CDH12: variants seen among roughly 807,000 people sequenced by gnomAD.
CDH12 encodes cadherin 12.
Under a neutral mutation model 74.1 loss-of-function variants are expected in CDH12, and 41 were observed. That is an observed-to-expected ratio of 0.55 (90% CI 0.43 to 0.72). CDH12 has a LOEUF of 0.72. Ranked by LOEUF, CDH12 falls within the 30% of genes least tolerant of loss-of-function variation. CDH12 has a pLI of 0.00. For synonymous variants in CDH12, 399 were observed against 355.0 expected (o/e 1.12, Z -1.39); for missense variants, 945 against 977.2 (o/e 0.97, Z 0.44).
At chr5:22,384,282 T>G (rs1037086354) in intron 3 of CDH12, among the ~76,000 whole-genome samples, 3 of 151,684 alleles carry the variant, frequency 2.0e-5, no homozygotes, top group East Asian at 1.9e-4. Context: ...CCCAGCACTT[T>G]GGGAGGCCGA....
At chr5:22,029,564 T>C (rs1738662699) in intron 5 of CDH12, among the ~76,000 whole-genome samples, 1 of 152,034 alleles carries the variant, frequency 6.6e-6, no homozygotes, top group Non-Finnish European at 1.5e-5. Context: ...CACAATGAGA[T>C]ACCATCTCAC....
intron 4 of CDH12, among the ~76,000 whole-genome samples, chr5:22,090,746 T>G (rs912567795): frequency 3.3e-5 from 5 of 152,002 alleles, no homozygotes; most frequent in Admixed American, 1.3e-4. Context: ...ATGGGATTTA[T>G]CTTATTACTG....
chr5:22,614,863 C>G (rs757820044), intron 1 of CDH12, among the ~76,000 whole-genome samples: 3 of 152,038 alleles, frequency 2.0e-5, no homozygotes, highest in Non-Finnish European at 4.4e-5. Flanking sequence ...AGACCATTCA[C>G]ACTGTCGTAC....
chr5:22,793,504 A>C (rs1052466979), intron 1 of CDH12, among the ~76,000 whole-genome samples: 8 of 152,190 alleles, frequency 5.3e-5, no homozygotes, highest in African/African-American at 1.9e-4. Context: ...ACACCATTGT[A>C]TACTGTCTCT....
At chr5:22,826,956 A>C (rs771706634) in intron 1 of CDH12, among the ~76,000 whole-genome samples, 3 of 152,246 alleles carry the variant, frequency 2.0e-5, no homozygotes, top group South Asian at 2.1e-4. Flanking sequence ...AGAAATTTGC[A>C]TAAGTAACGA....
intron 1 of CDH12, among the ~76,000 whole-genome samples, chr5:22,689,159 A>T (rs992398561): frequency 4.6e-5 from 7 of 152,186 alleles, no homozygotes; most frequent in Admixed American, 2.6e-4. Flanking sequence ...TCTCTCCAGG[A>T]TATTTCAATT....
chr5:22,478,972 T>C (rs1426884281), intron 2 of CDH12, among the ~76,000 whole-genome samples: 1 of 152,204 alleles, frequency 6.6e-6, no homozygotes, highest in Non-Finnish European at 1.5e-5. Context: ...TGTATTAATA[T>C]TTCAAAGTGT....
intron 3 of CDH12, among the ~76,000 whole-genome samples, chr5:22,391,558 C>T (rs560522698): frequency 2.6e-5 from 4 of 151,792 alleles, no homozygotes; most frequent in Non-Finnish European, 4.4e-5. Context: ...ATTTTTTATG[C>T]CAATACGTTA....
chr5:22,204,270 C>T (rs3924839), intron 4 of CDH12, among the ~76,000 whole-genome samples: 10,215 of 151,772 alleles, frequency 0.067, 462 homozygotes, highest in South Asian at 0.15. Context: ...ACGCCATTCT[C>T]CTGCCTCAGC....
At chr5:22,429,934 A>G (rs1222025000) in intron 2 of CDH12, among the ~76,000 whole-genome samples, 1 of 152,192 alleles carries the variant, frequency 6.6e-6, no homozygotes, top group East Asian at 1.9e-4. Flanking sequence ...ATGGCCATAT[A>G]ATTAGATATG....
intron 2 of CDH12, among the ~76,000 whole-genome samples, chr5:22,468,802 G>GT (rs1178692048): frequency 6.6e-6 from 1 of 152,096 alleles, no homozygotes; most frequent in African/African-American, 2.4e-5. Context: ...CATAAATGTG[G>GT]TTTTTAGATA....
chr5:21,798,040 C>A (rs1746889316), intron 10 of CDH12, among the ~76,000 whole-genome samples: 2 of 151,924 alleles, frequency 1.3e-5, no homozygotes, highest in Non-Finnish European at 2.9e-5. Flanking sequence ...ATTTTTGTTG[C>A]AACCTTCAAT....
chr5:22,675,445 C>A (rs1205650060), intron 1 of CDH12, among the ~76,000 whole-genome samples: 2 of 152,178 alleles, frequency 1.3e-5, no homozygotes, highest in Non-Finnish European at 2.9e-5. Flanking sequence ...TGCTGCAGGG[C>A]TGGGGCCCTC....
At chr5:22,321,297 T>C (rs1295385651) in intron 3 of CDH12, among the ~76,000 whole-genome samples, 1 of 149,186 alleles carries the variant, frequency 6.7e-6, no homozygotes, top group African/African-American at 2.5e-5. Flanking sequence ...ATATACACCA[T>C]GGAATACTAT....
At chr5:22,308,263 G>A (rs896151474) in intron 3 of CDH12, among the ~76,000 whole-genome samples, 2 of 152,136 alleles carry the variant, frequency 1.3e-5, no homozygotes, top group African/African-American at 4.8e-5. Flanking sequence ...GAGTTAAACA[G>A]GATGTATTAT....
chr5:22,458,435 G>A (rs1014685092), intron 2 of CDH12, among the ~76,000 whole-genome samples: 2 of 152,008 alleles, frequency 1.3e-5, no homozygotes, highest in East Asian at 1.9e-4. Flanking sequence ...CCAGAGCTTC[G>A]GATTTCAACA....
chr5:21,858,959 A>C (rs975147422), intron 6 of CDH12, among the ~76,000 whole-genome samples: 1 of 151,932 alleles, frequency 6.6e-6, no homozygotes, highest in Non-Finnish European at 1.5e-5. Context: ...ATTCCCTTAC[A>C]TATGTATCCC....
At chr5:22,556,943 T>C (rs758411115) in intron 1 of CDH12, among the ~76,000 whole-genome samples, 2 of 152,028 alleles carry the variant, frequency 1.3e-5, no homozygotes, top group African/African-American at 2.4e-5. Context: ...CTGACTTTGA[T>C]AAAGGACAAT....
intron 3 of CDH12, among the ~76,000 whole-genome samples, chr5:22,319,166 T>C (rs1041918554): frequency 6.6e-6 from 1 of 152,186 alleles, no homozygotes; most frequent in Admixed American, 6.5e-5. Flanking sequence ...AGATGTTAAT[T>C]CAGCACTGTG....
Sources: allele counts gnomAD v4.1 joint callset (sites outside exome capture counted in the v4.1 genomes callset), GRCh38; gene constraint gnomAD v4.1.1; transcripts MANE v1.5; gene names NCBI Gene and HGNC (gene_info 2026-07-23, HGNC 2026-07-21).